The following ASB3 variants were observed in gnomAD, a reference collection of about 807,000 sequenced individuals.
ASB3 encodes ankyrin repeat and SOCS box protein 3.
A neutral mutation model predicts 54.5 loss-of-function variants in ASB3; 41 were observed. The ratio of observed to expected loss-of-function variants is 0.75; its 90% confidence interval spans 0.59 to 0.98. ASB3 has a LOEUF of 0.98. Among genes scored for constraint, ASB3 ranks in the 50% least tolerant of loss-of-function variants. The pLI is 0.00. For missense variants in ASB3, 733 were observed against 620.0 expected, an observed-to-expected ratio of 1.18 and a Z score of -1.94; for synonymous variants, 266 against 221.2, an observed-to-expected ratio of 1.20 and a Z score of -1.80.
chr2:53,783,970 T>C (rs1674794940), intron 1 of ASB3, among the ~76,000 whole-genome samples: 1 of 152,206 alleles, frequency 6.6e-6, no homozygotes, highest in Non-Finnish European at 1.5e-5. Context: ...TGCAACTGAC[T>C]TGTAAAGCAA....
chr2:53,687,087 T>C (rs760844316), intron 9 of ASB3, among the ~76,000 whole-genome samples: 1 of 152,088 alleles, frequency 6.6e-6, no homozygotes, highest in Non-Finnish European at 1.5e-5. Flanking sequence ...CAGCAAAATG[T>C]CCCAGCAAAT....
intron 7 of ASB3, among the ~76,000 whole-genome samples, chr2:53,710,653 T>C (rs143136707): frequency 7.7e-4 from 117 of 152,352 alleles, no homozygotes; most frequent in African/African-American, 2.7e-3. Context: ...GGTTTGTTTA[T>C]TTCAGCAAGC....
intron 2 of ASB3, among the ~76,000 whole-genome samples, chr2:53,757,921 G>T (rs1371291306): frequency 6.6e-6 from 1 of 152,174 alleles, no homozygotes; most frequent in East Asian, 1.9e-4. Flanking sequence ...TGAAACTCAT[G>T]ACCCAGTACT....
At chr2:53,742,814 A>C (rs1392893187) in intron 3 of ASB3, among the ~76,000 whole-genome samples, 1 of 152,198 alleles carries the variant, frequency 6.6e-6, no homozygotes, top group African/African-American at 2.4e-5. Flanking sequence ...AAAACAGATA[A>C]GATACCAACA....
intron 2 of ASB3, among the ~76,000 whole-genome samples, chr2:53,754,362 A>C (rs905011879): frequency 5.9e-5 from 9 of 152,192 alleles, no homozygotes; most frequent in Non-Finnish European, 1.3e-4. Flanking sequence ...CTGGAGTGCA[A>C]GCCACCCTTA....
intron 3 of ASB3, among the ~76,000 whole-genome samples, chr2:53,734,053 A>C (rs1671477314): frequency 6.6e-6 from 1 of 152,234 alleles, no homozygotes; most frequent in South Asian, 2.1e-4. Flanking sequence ...ACCTTTAAGC[A>C]GTTTTCCGCC....
At chr2:53,755,889 TG>T (rs1205953198) in intron 2 of ASB3, among the ~76,000 whole-genome samples, 2 of 152,114 alleles carry the variant, frequency 1.3e-5, no homozygotes, top group African/African-American at 4.8e-5. Flanking sequence ...CAGTGGCTCA[TG>T]CCTGTAATCC....
At position 53,763,018 on chromosome 2, in the gene ASB3, A is replaced by G. The variant is rs930332567; in HGVS notation, c.196+2359T>C. 2.0e-5 allele frequency among the ~76,000 whole-genome samples: 3 copies of G among 152,110 alleles called. No individual in the cohort carries two copies. In the South Asian group the frequency reaches 6.2e-4, roughly 31 times the overall value. ...CCTACATACCTTCTTATTTGGGTGC[A>G]CTAATTATCTTTTAGGAATCTCTGA... On this transcript the variant is annotated intron_variant, in intron 2 of 9. Transcript: ENST00000263634.
chr2:53,706,770 C>A (rs1340625937), intron 7 of ASB3, among the ~76,000 whole-genome samples: 1 of 152,056 alleles, frequency 6.6e-6, no homozygotes, highest in East Asian at 1.9e-4. Flanking sequence ...AATAGGAAGT[C>A]TTCCCCCAGC....
At chr2:53,736,080 AATAAAC>A (rs1429089345) in intron 3 of ASB3, among the ~76,000 whole-genome samples, 1 of 152,154 alleles carries the variant, frequency 6.6e-6, no homozygotes, top group Non-Finnish European at 1.5e-5. Flanking sequence ...TATTAAAAGC[AATAAAC>A]ATAAAGGTAA....
chr2:53,728,206 T>C (rs549809113), intron 5 of ASB3, among the ~76,000 whole-genome samples: 37 of 152,212 alleles, frequency 2.4e-4, no homozygotes, highest in African/African-American at 8.4e-4. Context: ...CACACCAACT[T>C]CCCTGGCAAT....
chr2:53,765,618 T>A (rs373611574), intron 1 of ASB3, 33 bp from the exon 2 acceptor site: 1 of 1,612,182 alleles, frequency 6.2e-7, no homozygotes, highest in Admixed American at 1.7e-5. Context: ...AATACTATAG[T>A]CAATAAAACA....
chr2:53,683,182 T>G (rs1004700846), intron 9 of ASB3, among the ~76,000 whole-genome samples: 16 of 152,200 alleles, frequency 1.1e-4, no homozygotes, highest in African/African-American at 3.6e-4. Flanking sequence ...GAAGAGATGT[T>G]GAATTTTATC....
At chr2:53,764,049 A>G (rs1673299545) in intron 2 of ASB3, among the ~76,000 whole-genome samples, 1 of 152,134 alleles carries the variant, frequency 6.6e-6, no homozygotes, top group South Asian at 2.1e-4. Flanking sequence ...AACAACAACA[A>G]CAAAAAAAAC....
In ASB3 at chr2:53,670,352, C is replaced by T. The variant is rs1363800651; in HGVS notation, c.*151G>A. On this transcript the variant is annotated 3_prime_UTR_variant, in exon 10 of 10. Transcript: ENST00000263634. Reference sequence around the variant, plus strand: ...GGCTAGTTGTAAACATAAACATTCTCACTGAACTACTGGCCCCCCAAAACC... The same window carrying T: ...GGCTAGTTGTAAACATAAACATTCTTACTGAACTACTGGCCCCCCAAAACC... The T allele has an allele frequency of 1.6e-5, 6 of 380,260 alleles. No individual in the cohort carries two copies. The South Asian group carries it at 2.5e-4, about 16-fold the overall frequency. 23.6% of individuals were successfully genotyped at this position (380,260 alleles called of 1,614,324 possible).
intron 1 of ASB3, among the ~76,000 whole-genome samples, chr2:53,768,467 C>G (rs766992105): frequency 5.9e-5 from 9 of 152,242 alleles, no homozygotes; most frequent in Non-Finnish European, 1.0e-4. Context: ...AGCCGACTTT[C>G]ATGAGCTTGC....
chr2:53,690,928 G>T (rs1357742708), intron 9 of ASB3, among the ~76,000 whole-genome samples: 1 of 152,074 alleles, frequency 6.6e-6, no homozygotes, highest in Non-Finnish European at 1.5e-5. Flanking sequence ...AATCATTAAA[G>T]GTTCAGGACG....
Position 53,750,829 on chromosome 2 carries a change from T to C in ASB3, c.309A>G (p.Ala103=). The C allele has an allele frequency of 1.2e-6, 2 of 1,600,898 alleles. No individual in the cohort carries two copies. Among genetic ancestry groups the C allele is most frequent in the Non-Finnish European group, 1.7e-6 (2 of 1,173,790 alleles). The change falls in exon 3 of 10, where the codon GCA becomes GCG. Residue 103 remains alanine, a synonymous_variant. Transcript: ENST00000263634. ...CTTCTAAAGTAGTTGCATTAGGATC[T>C]GCCCCAGCTTCTAAAAGAATCTGTA... ...KIVQILLEAG[A]DPNATTLEET...
intron 3 of ASB3, among the ~76,000 whole-genome samples, chr2:53,731,184 G>C (rs376405520): frequency 6.6e-6 from 1 of 152,140 alleles, no homozygotes; most frequent in Admixed American, 6.5e-5. Flanking sequence ...GGTGGACCAC[G>C]AGTTCAGGAG....
Sources: allele counts gnomAD v4.1 joint callset (sites outside exome capture counted in the v4.1 genomes callset), GRCh38; gene constraint gnomAD v4.1.1; transcripts MANE v1.5; gene names NCBI Gene and HGNC (gene_info 2026-07-23, HGNC 2026-07-21).